Variants in PCDH15 observed in about 807,000 individuals in gnomAD.
PCDH15 encodes protocadherin related 15.
PCDH15 carries 129 observed loss-of-function variants against 178.5 expected under a neutral mutation model. The ratio of observed to expected loss-of-function variants is 0.72; its 90% CI spans 0.63 to 0.84. The LOEUF is 0.84. PCDH15 is among the 40% of genes least tolerant of loss of function. The pLI is 0.00. For missense variants in PCDH15, 2,230 were observed against 2,099.9 expected, an observed-to-expected ratio of 1.06 and a Z score of -1.21; for synonymous variants, 800 against 732.0, an observed-to-expected ratio of 1.09 and a Z score of -1.50.
intron 18 of PCDH15, among the ~76,000 whole-genome samples, chr10:54,055,229 G>T (rs2093860255): frequency 6.6e-6 from 1 of 152,134 alleles, no homozygotes; most frequent in Non-Finnish European, 1.5e-5. Context: ...GATTTAGCAT[G>T]CAGGTCTCAT....
chr10:55,253,033 A>T (rs560804855), intron 1 of PCDH15, among the ~76,000 whole-genome samples: 1 of 152,260 alleles, frequency 6.6e-6, no homozygotes, highest in East Asian at 1.9e-4. Context: ...TTTATTAAAT[A>T]AGGCAAAATT....
chr10:55,364,803 T>C lies in PCDH15; in HGVS notation c.-155-198152A>G, dbSNP rs115688229. On this transcript the variant is annotated intron_variant, in intron 2 of 5. Transcript: ENST00000613346. ...AGTCCTATAGATTAAAAGATTTCTA[T>C]TGATGTATTTTCAAGTTCACACATT... is the stretch of plus-strand genomic sequence containing the variant. Among the ~76,000 whole-genome samples the C allele has an allele frequency of 5.6e-3, 856 of 152,244 alleles. 10 individuals are homozygous for C. Among genetic ancestry groups the C allele is most frequent in the African/African-American group, 0.02 (814 of 41,564 alleles).
chr10:55,064,585 C>CT (rs146259553), intron 2 of PCDH15, among the ~76,000 whole-genome samples: 2,383 of 151,400 alleles, frequency 0.016, 44 homozygotes, highest in East Asian at 0.077. Flanking sequence ...TAAAATATAA[C>CT]TTTTTTTTTC....
rs1537594 is a variant in PCDH15, at chr10:55,551,605, T to C, written c.-156+76020A>G. On this transcript the variant is annotated intron_variant, in intron 2 of 5. Transcript: ENST00000613346. ...TGGCAATATTGAAATGTGAGTAAAG[T>C]AGATTACAAAACAAATTAACCTCAA... Among the ~76,000 whole-genome samples the C allele has an allele frequency of 2.6e-5, 4 of 151,816 alleles. No homozygotes were observed. The East Asian group carries it at 7.7e-4, about 29-fold the overall frequency.
At chr10:53,840,907 C>T (rs1004778090) in intron 28 of PCDH15, among the ~76,000 whole-genome samples, 3 of 152,134 alleles carry the variant, frequency 2.0e-5, no homozygotes, top group Admixed American at 6.5e-5. Context: ...ACACATGACA[C>T]GTAGCTATAT....
intron 8 of PCDH15, among the ~76,000 whole-genome samples, chr10:54,311,844 T>C (rs2060929982): frequency 6.6e-6 from 1 of 152,118 alleles, no homozygotes; most frequent in African/African-American, 2.4e-5. Flanking sequence ...TAAATTTTGA[T>C]ATAAAGCGAT....
intron 15 of PCDH15, among the ~76,000 whole-genome samples, chr10:54,120,919 C>T (rs1455149298): frequency 6.6e-6 from 1 of 152,090 alleles, no homozygotes; most frequent in Non-Finnish European, 1.5e-5. Flanking sequence ...TGGACTTAAA[C>T]TCAACACTTG....
At chr10:55,168,141 A>G (rs985777852) in intron 1 of PCDH15, among the ~76,000 whole-genome samples, 1 of 152,186 alleles carries the variant, frequency 6.6e-6, no homozygotes, top group Non-Finnish European at 1.5e-5. Flanking sequence ...TAAGCTTAAT[A>G]GCAATATGTA....
chr10:54,586,535 T>A (rs1405449642), intron 2 of PCDH15, among the ~76,000 whole-genome samples: 4 of 152,210 alleles, frequency 2.6e-5, no homozygotes, highest in Non-Finnish European at 5.9e-5. Flanking sequence ...TTTTTTATTA[T>A]AGATGAACTA....
intron 3 of PCDH15, among the ~76,000 whole-genome samples, chr10:54,411,343 A>T (rs140548720): frequency 4.9e-4 from 75 of 152,328 alleles, no homozygotes; most frequent in African/African-American, 1.5e-3. Flanking sequence ...AAAGAATTTA[A>T]AAAATGACAA....
chr10:54,100,361 T>C (rs1365192886), intron 15 of PCDH15, among the ~76,000 whole-genome samples: 2 of 141,890 alleles, frequency 1.4e-5, no homozygotes, highest in Non-Finnish European at 1.5e-5. Flanking sequence ...CAAGACTCCG[T>C]CTCAAAAAAA....
chr10:55,189,887 C>T (rs905413145), intron 1 of PCDH15, among the ~76,000 whole-genome samples: 1 of 151,728 alleles, frequency 6.6e-6, no homozygotes, highest in African/African-American at 2.4e-5. Flanking sequence ...ATTTCCCTAT[C>T]CCATGACCCA....
At chr10:55,525,498 A>G (rs1272087620) in intron 2 of PCDH15, among the ~76,000 whole-genome samples, 1 of 151,852 alleles carries the variant, frequency 6.6e-6, no homozygotes, top group African/African-American at 2.4e-5. Flanking sequence ...CACTTCTCAT[A>G]TAAATCATAT....
chr10:55,152,753 A>T (rs893685320), intron 2 of PCDH15, among the ~76,000 whole-genome samples: 1 of 152,190 alleles, frequency 6.6e-6, no homozygotes, highest in African/African-American at 2.4e-5. Flanking sequence ...AAAGAAATTT[A>T]CATTTGCCCT....
rs11349834 is a variant in PCDH15, at chr10:53,824,144, T to TA, written c.4367+3248dup. 3.5e-3 allele frequency among the ~76,000 whole-genome samples: 528 copies of TA among 150,928 alleles called. 1 individual carries two copies. The highest frequency in any genetic ancestry group is 8.0e-3 in the Admixed American group (121 of 15,140). On this transcript the variant is annotated intron_variant, in intron 32 of 37. Coordinates refer to ENST00000644397, the MANE Select transcript of PCDH15 (RefSeq NM_001384140.1). ...CTCACCTTAACAAAAAGATTGATGC[T>TA]AAAAAAAAAAATCACTTTTTGATAT...
intron 1 of PCDH15, among the ~76,000 whole-genome samples, chr10:55,274,527 T>C (rs1842533972): frequency 6.6e-6 from 1 of 152,114 alleles, no homozygotes; most frequent in South Asian, 2.1e-4. Context: ...GACTCCATTT[T>C]ATTCATTCAT....
At chr10:53,846,577 G>C (rs746642693) in intron 28 of PCDH15, among the ~76,000 whole-genome samples, 10 of 151,802 alleles carry the variant, frequency 6.6e-5, no homozygotes, top group Non-Finnish European at 1.3e-4. Context: ...CACAAACTAA[G>C]GGTGTCAATA....
At chr10:55,102,145 G>C (rs976689094) in intron 2 of PCDH15, among the ~76,000 whole-genome samples, 1 of 151,756 alleles carries the variant, frequency 6.6e-6, no homozygotes, top group Non-Finnish European at 1.5e-5. Flanking sequence ...ATATTTTTCT[G>C]TTTTTTATGT....
At chr10:55,552,821 AT>A (rs1589133594) in intron 2 of PCDH15, among the ~76,000 whole-genome samples, 1 of 151,558 alleles carries the variant, frequency 6.6e-6, no homozygotes, top group Non-Finnish European at 1.5e-5. Context: ...TAAGCAAATC[AT>A]TTTTTGCCCC....
Sources: gnomAD v4.1 joint callset for allele counts (sites outside exome capture counted in the v4.1 genomes callset) on GRCh38, gnomAD v4.1.1 for gene constraint, MANE v1.5 for transcripts, NCBI Gene and HGNC (gene_info 2026-07-23, HGNC 2026-07-21) for gene names.